ZC3H12B: variants seen among roughly 807,000 people sequenced by gnomAD.
The protein encoded by ZC3H12B is zinc finger CCCH-type containing 12B.
Under a neutral mutation model 43.9 loss-of-function variants are expected in ZC3H12B, and 7 were observed. The ratio of observed to expected loss-of-function variants is 0.16; its 90% confidence interval spans 0.09 to 0.30. The LOEUF is 0.30. ZC3H12B is among the 10% of genes least tolerant of loss of function. The probability of loss-of-function intolerance (pLI) is 1.00; values close to 1 mark genes in which losing one functional copy is unlikely to be tolerated. For missense variants in ZC3H12B, 475 were observed against 670.2 expected, an observed-to-expected ratio of 0.71 and a Z score of 3.22; for synonymous variants, 222 against 241.7, an observed-to-expected ratio of 0.92 and a Z score of 0.76.
chrX:65,419,820 T>C (rs1046055854), intron 3 of ZC3H12B, among the ~76,000 whole-genome samples: 2 of 111,285 alleles, frequency 1.8e-5, no homozygotes, highest in Non-Finnish European at 3.8e-5. Flanking sequence ...GGGCCTAGGT[T>C]CCAGACTGCC....
the ZC3H12B span, among the ~76,000 whole-genome samples, chrX:65,047,931 G>A: frequency 1.8e-5 from 2 of 110,515 alleles, no homozygotes; most frequent in African/African-American, 6.6e-5. Context: ...ATTGTGGTAA[G>A]AAATAACATG....
chrX:65,442,996 G>A (rs1323605651), intron 3 of ZC3H12B, among the ~76,000 whole-genome samples: 2 of 110,694 alleles, frequency 1.8e-5, no homozygotes, highest in African/African-American at 6.6e-5. Flanking sequence ...GATTTGGGGG[G>A]TCATTTTCCT....
chrX:65,206,602 G>A, the ZC3H12B span, among the ~76,000 whole-genome samples: 72 of 110,463 alleles, frequency 6.5e-4, no homozygotes, highest in African/African-American at 2.1e-3. Flanking sequence ...ATTGGCTTAG[G>A]CAAAGACTTC....
the ZC3H12B span, among the ~76,000 whole-genome samples, chrX:65,254,552 A>T: frequency 1.8e-5 from 2 of 112,343 alleles, no homozygotes; most frequent in Admixed American, 1.9e-4. Flanking sequence ...AGCAAAAGGA[A>T]AAACACATTC....
the ZC3H12B span, among the ~76,000 whole-genome samples, chrX:65,083,152 T>C: frequency 1.8e-5 from 2 of 111,119 alleles, no homozygotes; most frequent in East Asian, 5.7e-4. Flanking sequence ...CACAGCTGGT[T>C]TCATACTAAA....
chrX:65,261,362 G>C, the ZC3H12B span, among the ~76,000 whole-genome samples: 1 of 111,587 alleles, frequency 9.0e-6, no homozygotes, highest in African/African-American at 3.2e-5. Context: ...TGTATGTCTA[G>C]TCATTTTATA....
At chrX:65,108,143 T>C in the ZC3H12B span, among the ~76,000 whole-genome samples, 3 of 111,401 alleles carry the variant, frequency 2.7e-5, no homozygotes, top group African/African-American at 6.5e-5. Context: ...TGAGTGGCGA[T>C]TGAATGTGAA....
At chrX:65,408,146 A>T in intron 3 of ZC3H12B, 1 of 1,200,569 alleles carries the variant, frequency 8.3e-7, no homozygotes, top group Non-Finnish European at 1.1e-6. Flanking sequence ...CAAGTTCAGT[A>T]TCGCGGAGTC....
the ZC3H12B span, among the ~76,000 whole-genome samples, chrX:65,191,611 T>C: frequency 9.6e-6 from 1 of 103,973 alleles, no homozygotes; most frequent in Non-Finnish European, 1.9e-5. Flanking sequence ...TATTCTCTGA[T>C]GGTAGTTTGT....
At chrX:65,399,587 T>A (rs1259187392) in intron 3 of ZC3H12B, among the ~76,000 whole-genome samples, 1 of 112,023 alleles carries the variant, frequency 8.9e-6, no homozygotes, top group Non-Finnish European at 1.9e-5. Context: ...TTGGTGGTAA[T>A]GTAAATTAGT....
chrX:65,373,997 G>GTA (rs1200674718), intron 2 of ZC3H12B, among the ~76,000 whole-genome samples: 257 of 8,170 alleles, frequency 0.031, 10 homozygotes, highest in African/African-American at 0.17. Flanking sequence ...TATATATATA[G>GTA]TATATATATA....
At chrX:65,192,199 C>T in the ZC3H12B span, among the ~76,000 whole-genome samples, 2 of 109,803 alleles carry the variant, frequency 1.8e-5, no homozygotes, top group Admixed American at 2.0e-4. Flanking sequence ...TTTACATTTG[C>T]TGAGGAGAGC....
At chrX:65,201,666 C>G in the ZC3H12B span, among the ~76,000 whole-genome samples, 1 of 105,833 alleles carries the variant, frequency 9.4e-6, no homozygotes, top group East Asian at 3.0e-4. Context: ...CTCTCTCTCT[C>G]TCTCTCTCTC....
chrX:65,391,036 C>T (rs1431877286), intron 2 of ZC3H12B, among the ~76,000 whole-genome samples: 1 of 111,604 alleles, frequency 9.0e-6, no homozygotes, highest in Admixed American at 9.5e-5. Flanking sequence ...TAGTTAATGG[C>T]AAGAACACAG....
chrX:65,287,996 A>ATATATATATATATATATATG, the ZC3H12B span, among the ~76,000 whole-genome samples: 1,672 of 106,389 alleles, frequency 0.016, 42 homozygotes, highest in African/African-American at 0.057. Context: ...ATACATATAT[A>ATATATATATATATATATATG]TATATATATA....
the ZC3H12B span, among the ~76,000 whole-genome samples, chrX:65,159,376 G>GA: frequency 9.0e-6 from 1 of 111,518 alleles, no homozygotes; most frequent in South Asian, 3.8e-4. Context: ...CCGTTTTCAT[G>GA]GTATTGATTC....
At chrX:65,061,739 C>T in the ZC3H12B span, among the ~76,000 whole-genome samples, 2 of 112,319 alleles carry the variant, frequency 1.8e-5, no homozygotes, top group Non-Finnish European at 3.8e-5. Context: ...GAGGAATCAC[C>T]ACACTATCTT....
At chrX:65,250,879 C>T in the ZC3H12B span, among the ~76,000 whole-genome samples, 3 of 111,439 alleles carry the variant, frequency 2.7e-5, no homozygotes, top group South Asian at 7.6e-4. Context: ...TTCTCCCATT[C>T]TGTAGGTTGC....
the ZC3H12B span, among the ~76,000 whole-genome samples, chrX:65,109,911 A>G: frequency 1.8e-5 from 2 of 111,025 alleles, no homozygotes; most frequent in South Asian, 7.5e-4. Flanking sequence ...AGTGTATCTC[A>G]TGGTTTTGGT....
Sources: allele counts gnomAD v4.1 joint callset (sites outside exome capture counted in the v4.1 genomes callset), GRCh38; gene constraint gnomAD v4.1.1; transcripts MANE v1.5; gene names NCBI Gene and HGNC (gene_info 2026-07-23, HGNC 2026-07-21).